NEK6: variants seen among roughly 807,000 people sequenced by gnomAD.
The protein encoded by NEK6 is NIMA related kinase 6, also known as serine/threonine-protein kinase Nek6.
NEK6 carries 27 observed loss-of-function variants against 43.5 expected under a neutral mutation model. The ratio of observed to expected loss-of-function variants is 0.62; its 90% CI spans 0.46 to 0.86. The LOEUF (loss-of-function observed/expected upper bound fraction) is 0.86. NEK6 is among the 40% of genes least tolerant of loss of function. NEK6 has a pLI of 0.00. For synonymous variants in NEK6, 167 were observed against 164.1 expected (o/e 1.02, Z -0.14); for missense variants, 318 against 414.4 (o/e 0.77, Z 2.02).
At chr9:124,335,553 T>A (rs1300814365) in intron 7 of NEK6, among the ~76,000 whole-genome samples, 2 of 152,220 alleles carry the variant, frequency 1.3e-5, no homozygotes, top group African/African-American at 4.8e-5. Flanking sequence ...AGCCATCAGT[T>A]AAATGAGCAG....
intron 4 of NEK6, among the ~76,000 whole-genome samples, chr9:124,321,184 G>A (rs1007064358): frequency 6.6e-6 from 1 of 152,208 alleles, no homozygotes; most frequent in African/African-American, 2.4e-5. Flanking sequence ...CATTTCAAGA[G>A]TATTGACCCA....
chr9:124,312,363 G>A, intron 2 of NEK6, 146 bp from the exon 3 acceptor site: 1 of 958,446 alleles, frequency 1.0e-6, no homozygotes, highest in Non-Finnish European at 1.5e-6. Context: ...CTGGGGGGGT[G>A]CCTGGGAGGC....
In NEK6 at chr9:124,325,304, C is replaced by T. The variant is rs563534700; in HGVS notation, c.406-1026C>T. 1.1e-4 allele frequency among the ~76,000 whole-genome samples: 17 copies of T among 152,352 alleles called. No individual in the cohort carries two copies. The East Asian group carries it at 2.9e-3, about 26-fold the overall frequency. On this transcript the variant is annotated intron_variant, in intron 5 of 9. Coordinates refer to ENST00000320246, the MANE Select transcript of NEK6 (RefSeq NM_014397.6). The stretch of plus-strand genomic sequence containing the variant: ...TGTCTGTAAGATGGGCCTAGCCCTC[C>T]CTCTTAGGCCCGGCATGGTGGCCAC...
chr9:124,267,132 C>A (rs1831262218), intron 1 of NEK6, among the ~76,000 whole-genome samples: 1 of 152,380 alleles, frequency 6.6e-6, no homozygotes, highest in South Asian at 2.1e-4. Flanking sequence ...GCTAACCAAG[C>A]CACCTCTGAG....
intron 5 of NEK6, among the ~76,000 whole-genome samples, chr9:124,323,658 G>A (rs1346636663): frequency 6.6e-6 from 1 of 152,136 alleles, no homozygotes; most frequent in Non-Finnish European, 1.5e-5. Context: ...CAGATGGGGG[G>A]CTGGGGCTGG....
rs569038171 is a variant in NEK6 at position 124,344,092 on chromosome 9, C to T, written c.718-3617C>T. Among the ~76,000 whole-genome samples, 285 of 152,274 alleles carry T rather than the reference C, an allele frequency of 1.9e-3. 1 individual carries two copies. Among genetic ancestry groups the T allele is most frequent in the African/African-American group, 6.1e-3 (255 of 41,556 alleles). On this transcript the variant is annotated intron_variant, in intron 8 of 9. Transcript: ENST00000320246. Reference sequence around the variant, plus strand: ...GAGGCCACCCGCGGTCCTCGGTCCCCGCCTTGTGTCACCACAGCCTCTGGT... The same window carrying T: ...GAGGCCACCCGCGGTCCTCGGTCCCTGCCTTGTGTCACCACAGCCTCTGGT...
intron 1 of NEK6, chr9:124,265,471 G>A (rs34720542): frequency 0.3 from 46,117 of 151,904 alleles, 7,286 homozygotes; most frequent in South Asian, 0.35. Flanking sequence ...GCAGTGAGCC[G>A]AGATGGCGCC....
Position 124,260,809 on chromosome 9 carries a change from G to A in NEK6, c.-30+2724G>A, listed in dbSNP as rs185927634. On this transcript the variant is annotated intron_variant, in intron 1 of 9. Coordinates refer to ENST00000320246, the MANE Select transcript of NEK6 (RefSeq NM_014397.6). The stretch of plus-strand genomic sequence containing the variant: ...GCTGTCACGATGCCCATTTACAGAT[G>A]AGGAAACTGGGGCACAGAGAGATGA... 3.3e-3 allele frequency among the ~76,000 whole-genome samples: 504 copies of A among 152,332 alleles called. 2 individuals are homozygous for A. The highest frequency in any genetic ancestry group is 0.012 in the African/African-American group (482 of 41,560).
intron 4 of NEK6, among the ~76,000 whole-genome samples, chr9:124,315,597 G>T (rs867933592): frequency 6.6e-6 from 1 of 152,238 alleles, no homozygotes; most frequent in Non-Finnish European, 1.5e-5. Context: ...AGGAATGTTT[G>T]TCCTGATCAC....
chr9:124,304,841 T>C (rs111965127), intron 2 of NEK6, among the ~76,000 whole-genome samples: 1 of 152,324 alleles, frequency 6.6e-6, no homozygotes, highest in Non-Finnish European at 1.5e-5. Flanking sequence ...TTAGGAAAGC[T>C]GAACATACTT....
At chr9:124,288,776 C>T (rs959841931) in intron 1 of NEK6, among the ~76,000 whole-genome samples, 8 of 152,120 alleles carry the variant, frequency 5.3e-5, no homozygotes, top group Admixed American at 3.3e-4. Flanking sequence ...CTCACATGGG[C>T]GGATGGAGGC....
chr9:124,262,869 G>C (rs1234302185), intron 1 of NEK6: 1 of 152,274 alleles, frequency 6.6e-6, no homozygotes, highest in Admixed American at 6.5e-5. Flanking sequence ...GCCATTCAGA[G>C]CCTGCAGTGC....
Position 124,291,693 on chromosome 9 carries a change from T to C in NEK6, c.-29-10243T>C, listed in dbSNP as rs370161638. On this transcript the variant is annotated intron_variant, in intron 1 of 9. Coordinates refer to ENST00000320246, the MANE Select transcript of NEK6 (RefSeq NM_014397.6). ...TTTTCAGCATTTTGCTGGGCCCCAG[T>C]GTGGATAGGTGGGGAGCGAGCACAA... The C allele has an allele frequency of 4.5e-5, 12 of 265,490 alleles. No individual in the cohort carries two copies. The South Asian group carries it at 1.7e-3, about 38-fold the overall frequency. 16.4% of individuals were successfully genotyped at this position (265,490 alleles called of 1,614,324 possible).
intron 2 of NEK6, among the ~76,000 whole-genome samples, chr9:124,307,602 C>T (rs573647496): frequency 1.3e-5 from 2 of 152,346 alleles, no homozygotes; most frequent in South Asian, 2.1e-4. Context: ...CCCGGCCCCT[C>T]GATCAGTCTC....
At chr9:124,283,858 C>A (rs1208685489) in intron 1 of NEK6, among the ~76,000 whole-genome samples, 3 of 152,252 alleles carry the variant, frequency 2.0e-5, no homozygotes, top group East Asian at 1.9e-4. Context: ...GTTTCCACAC[C>A]CTGCTTTGCA....
At position 124,343,276 on chromosome 9, in the gene NEK6, G is replaced by T. The variant is rs959257004; in HGVS notation, c.717+3611G>T. ...CAGCCGGGGGGTGGTACGGGGGATG[G>T]ATCGCAGCTGGGGAGGTACCGATCG... On this transcript the variant is annotated intron_variant, in intron 8 of 9. Transcript: ENST00000320246. The surrounding 1 kb of genome is among the most constrained non-coding windows in gnomAD (Gnocchi z 5.1). Among the ~76,000 whole-genome samples the T allele has an allele frequency of 6.8e-6, 1 of 146,114 alleles. No individual in the cohort carries two copies. The highest frequency in any genetic ancestry group is 1.5e-5 in the Non-Finnish European group (1 of 66,182).
chr9:124,317,914 C>T (rs987574731), intron 4 of NEK6, among the ~76,000 whole-genome samples: 2 of 152,114 alleles, frequency 1.3e-5, no homozygotes, highest in South Asian at 2.1e-4. Flanking sequence ...TTTCTTTATC[C>T]GGCCCACCAT....
At chr9:124,296,384 G>A (rs1321563560) in intron 1 of NEK6, among the ~76,000 whole-genome samples, 1 of 152,168 alleles carries the variant, frequency 6.6e-6, no homozygotes, top group Admixed American at 6.5e-5. Context: ...TACAGTGTCT[G>A]GCCAAGGCTG....
intron 5 of NEK6, among the ~76,000 whole-genome samples, chr9:124,322,192 G>A (rs1834100402): frequency 6.6e-6 from 1 of 152,180 alleles, no homozygotes; most frequent in African/African-American, 2.4e-5. Flanking sequence ...GCTCTCCCCA[G>A]CCCTAGAGGG....
Sources: allele counts gnomAD v4.1 joint callset (sites outside exome capture counted in the v4.1 genomes callset), GRCh38; gene constraint gnomAD v4.1.1; non-coding constraint Gnocchi (gnomAD v3.1); transcripts MANE v1.5; gene names NCBI Gene and HGNC (gene_info 2026-07-23, HGNC 2026-07-21).